Variants in ARHGAP44 observed in about 807,000 individuals in gnomAD.
The protein encoded by ARHGAP44 is rho GTPase-activating protein 44.
A neutral mutation model predicts 106.8 loss-of-function variants in ARHGAP44; 43 were observed. That is an observed-to-expected ratio of 0.40 (90% CI 0.32 to 0.52). The LOEUF (loss-of-function observed/expected upper bound fraction) is 0.52, where lower values mean the gene tolerates loss of function less well. Among genes scored for constraint, ARHGAP44 ranks in the 20% least tolerant of loss-of-function variants. The pLI is 0.48. For missense variants in ARHGAP44, 866 were observed against 1,050.5 expected, an observed-to-expected ratio of 0.82 and a Z score of 2.43; for synonymous variants, 439 against 410.3, an observed-to-expected ratio of 1.07 and a Z score of -0.85.
rs773192078 is a variant in ARHGAP44 at position 12,952,620 on chromosome 17, G to T, written c.1136+39G>T. The T allele has an allele frequency of 1.2e-5, 17 of 1,467,250 alleles. No individual in the cohort carries two copies. In the East Asian group the frequency reaches 3.9e-4, roughly 34 times the overall value. 90.9% of individuals were successfully genotyped at this position (1,467,250 alleles called of 1,614,324 possible). ...TACCAAGTATAGACACATGGCTTGG[G>T]CTTATGTAAGCCTCAGAGATACAAC... On this transcript the variant is annotated intron_variant, in intron 13 of 20. Transcript: ENST00000379672.
At chr17:12,792,510 T>C (rs2033796816) in intron 1 of ARHGAP44, among the ~76,000 whole-genome samples, 1 of 152,156 alleles carries the variant, frequency 6.6e-6, no homozygotes, top group Non-Finnish European at 1.5e-5. Flanking sequence ...TCCTCTATTA[T>C]TGAGAATGTT....
intron 8 of ARHGAP44, among the ~76,000 whole-genome samples, 158 bp downstream of exon 8, chr17:12,941,282 G>T (rs1307236013): frequency 6.6e-6 from 1 of 152,066 alleles, no homozygotes; most frequent in Admixed American, 6.6e-5. Flanking sequence ...TCCTGATATG[G>T]ATTTCTCCAA....
chr17:12,889,357 G>T (rs1358870954), intron 1 of ARHGAP44, among the ~76,000 whole-genome samples: 1 of 152,172 alleles, frequency 6.6e-6, no homozygotes. Context: ...CCAACAAGGG[G>T]CTAGCATCTG....
chr17:12,816,674 C>A (rs1368093175), intron 1 of ARHGAP44, among the ~76,000 whole-genome samples: 2 of 152,254 alleles, frequency 1.3e-5, no homozygotes, highest in South Asian at 4.1e-4. Context: ...GAAGACATTA[C>A]ATACTGATAA....
intron 1 of ARHGAP44, among the ~76,000 whole-genome samples, chr17:12,832,649 A>G (rs2035123105): frequency 6.6e-6 from 1 of 152,216 alleles, no homozygotes; most frequent in South Asian, 2.1e-4. Context: ...AGTTCAGCCT[A>G]TGCCCAGGAA....
intron 12 of ARHGAP44, among the ~76,000 whole-genome samples, chr17:12,952,192 C>T (rs2039007177): frequency 6.6e-6 from 1 of 152,184 alleles, no homozygotes; most frequent in Non-Finnish European, 1.5e-5. Context: ...GGGCTGAGCT[C>T]CCTGACTGGC....
chr17:12,821,197 A>G (rs147817912), intron 1 of ARHGAP44, among the ~76,000 whole-genome samples: 2 of 152,304 alleles, frequency 1.3e-5, no homozygotes, highest in African/African-American at 2.4e-5. Context: ...CAGTTGTGCA[A>G]CTCAGCAAGG....
chr17:12,860,872 TTTTTTTTGAG>T (rs2036052005), intron 1 of ARHGAP44, among the ~76,000 whole-genome samples: 1 of 100,176 alleles, frequency 1.0e-5, no homozygotes, highest in African/African-American at 3.4e-5. Flanking sequence ...TTTTTTTTTT[TTTTTTTTGAG>T]ACAAGGTCTT....
intron 10 of ARHGAP44, among the ~76,000 whole-genome samples, chr17:12,944,928 C>G (rs1365264140): frequency 6.6e-6 from 1 of 151,948 alleles, no homozygotes; most frequent in Non-Finnish European, 1.5e-5. Flanking sequence ...TATCACAACT[C>G]TTATAGAGAT....
chr17:12,805,477 A>C (rs2034245665), intron 1 of ARHGAP44, among the ~76,000 whole-genome samples: 1 of 152,208 alleles, frequency 6.6e-6, no homozygotes, highest in African/African-American at 2.4e-5. Context: ...GTTGGCTTAT[A>C]TTCATGCCTT....
intron 1 of ARHGAP44, among the ~76,000 whole-genome samples, chr17:12,825,590 T>C (rs1004994037): frequency 2.6e-5 from 4 of 152,174 alleles, no homozygotes; most frequent in African/African-American, 9.7e-5. Flanking sequence ...TCTCTTTTTC[T>C]GGGGGACCTC....
chr17:12,962,937 TG>T (rs1329244963), intron 16 of ARHGAP44, among the ~76,000 whole-genome samples: 6 of 145,126 alleles, frequency 4.1e-5, no homozygotes, highest in Admixed American at 2.2e-4. Flanking sequence ...CCCAGCTACT[TG>T]GGAGGCTGAG....
chr17:12,973,838 T>C, intron 17 of ARHGAP44: 1 of 567,010 alleles, frequency 1.8e-6, no homozygotes, highest in Non-Finnish European at 3.1e-6. Context: ...CGCTGCCGAC[T>C]GTGCCCTGCT....
At chr17:12,790,131 C>G (rs2033693993) in intron 1 of ARHGAP44, 1 of 485,016 alleles carries the variant, frequency 2.1e-6, no homozygotes, top group Non-Finnish European at 3.6e-6. Context: ...CAAAGTGTGA[C>G]GCATCCTTTA....
chr17:12,841,804 T>G lies in ARHGAP44; in HGVS notation c.53+51913T>G, dbSNP rs574982304. Among the ~76,000 whole-genome samples, 9 of 152,210 alleles carry G rather than the reference T, an allele frequency of 5.9e-5. No homozygotes were observed. In the South Asian group the frequency reaches 1.2e-3, roughly 21 times the overall value. ...GATAATTGAGGCAGATTCATTTGTT[T>G]GTAGGTATGAAGCTTATGTGATTTG... On this transcript the variant is annotated intron_variant, in intron 1 of 20. Transcript: ENST00000379672.
chr17:12,799,066 A>C (rs2034009974), intron 1 of ARHGAP44, among the ~76,000 whole-genome samples: 1 of 152,186 alleles, frequency 6.6e-6, no homozygotes, highest in African/African-American at 2.4e-5. Flanking sequence ...GCCCCAGAGG[A>C]AGTCTCTCCC....
chr17:12,975,814 A>G (rs866335724), intron 18 of ARHGAP44, among the ~76,000 whole-genome samples: 1 of 150,986 alleles, frequency 6.6e-6, no homozygotes, highest in Non-Finnish European at 1.5e-5. Flanking sequence ...AAAAAAAAAA[A>G]AAAGAAAAAA....
intron 16 of ARHGAP44, among the ~76,000 whole-genome samples, chr17:12,968,983 A>C (rs1233137666): frequency 6.6e-6 from 1 of 151,892 alleles, no homozygotes; most frequent in East Asian, 1.9e-4. Flanking sequence ...GTTAGCCAGG[A>C]TGGTCTCGAT....
Position 12,958,223 on chromosome 17 carries a change from T to C in ARHGAP44, c.1343-494T>C, listed in dbSNP as rs1203776420. 6.6e-6 allele frequency among the ~76,000 whole-genome samples: 1 copy of C among 152,246 alleles called. No homozygotes were observed. Among genetic ancestry groups the C allele is most frequent in the Non-Finnish European group, 1.5e-5 (1 of 68,042 alleles). On this transcript the variant is annotated intron_variant, in intron 15 of 20. Coordinates refer to ENST00000379672, the MANE Select transcript of ARHGAP44 (RefSeq NM_014859.6). The surrounding 1 kb of genome is among the most constrained non-coding windows in gnomAD (Gnocchi z 4.1). ...ACTTTAATGAAATCTATATTTCTAA[T>C]ATCTTGAATTTATTCTCTATGGTTT... is the stretch of plus-strand genomic sequence containing the variant.
Sources: allele counts gnomAD v4.1 joint callset (sites outside exome capture counted in the v4.1 genomes callset), GRCh38; gene constraint gnomAD v4.1.1; non-coding constraint Gnocchi (gnomAD v3.1); transcripts MANE v1.5; gene names NCBI Gene and HGNC (gene_info 2026-07-23, HGNC 2026-07-21).